RNF145: variants seen among roughly 807,000 people sequenced by gnomAD.
RNF145 encodes ring finger protein 145.
In RNF145, 12 loss-of-function variants were observed where a neutral mutation model predicts 57.3. The observed-to-expected ratio is 0.21, with a 90% CI of 0.13 to 0.34. The LOEUF (loss-of-function observed/expected upper bound fraction) is 0.34. RNF145 is among the 10% of genes least tolerant of loss of function. RNF145 has a pLI of 1.00. For missense variants in RNF145, 429 were observed against 799.0 expected, an observed-to-expected ratio of 0.54 and a Z score of 5.58; for synonymous variants, 262 against 288.3, an observed-to-expected ratio of 0.91 and a Z score of 0.92.
intron 4 of RNF145, among the ~76,000 whole-genome samples, chr5:159,180,678 T>C (rs1784861350): frequency 6.6e-6 from 1 of 152,144 alleles, no homozygotes; most frequent in Admixed American, 6.6e-5. Flanking sequence ...ATATTTTATA[T>C]AACCTAACAT....
In RNF145 at chr5:159,174,014, G is replaced by A. The variant is rs139327325; in HGVS notation, c.766C>T (p.Arg256Cys). Residue 256 changes from arginine to cysteine, a missense_variant, in exon 6 of 11, where the codon CGT (arginine) becomes TGT (cysteine). Arg to Cys is a radical substitution (Grantham distance 180). Coordinates refer to ENST00000424310, the MANE Select transcript of RNF145 (RefSeq NM_001199383.2). ...AGAAAAAGGAAAAGAAGCCTCTCAC[G>A]TGATGCAGGCTGATCTCGAGTACTG... ...YFSTRDQPASRERLLFLFLTS... is the reference protein window; with the variant it reads ...YFSTRDQPASCERLLFLFLTS... The A allele has an allele frequency of 6.2e-7, 1 of 1,612,042 alleles. No homozygotes were observed. The highest frequency in any genetic ancestry group is 8.5e-7 in the Non-Finnish European group (1 of 1,179,116).
chr5:159,174,086 T>C lies in RNF145; in HGVS notation c.694A>G (p.Met232Val), dbSNP rs1262393403. 1.2e-6 allele frequency: 2 copies of C among 1,613,554 alleles called. No individual in the cohort carries two copies. The change falls in exon 6 of 11, where the codon ATG (methionine) becomes GTG (valine). Residue 232 changes from methionine (M) to valine (V), a missense_variant. Met to Val is a conservative substitution (Grantham distance 21). Around this residue, in one of 4 missense-constraint regions of RNF145, gnomAD observed 216 missense variants for 457.6 expected, o/e 0.47. Transcript: ENST00000424310. Reference protein sequence around the residue: ...WNQLVVPVLFMVFWLVLFALQ... With the variant: ...WNQLVVPVLFVVFWLVLFALQ... ...GCAAATAAGACGAGCCAGAAAACCATGAAAAGAACAGGGACTACCAGTTGA... is the reference window on the plus strand; with the variant it reads ...GCAAATAAGACGAGCCAGAAAACCACGAAAAGAACAGGGACTACCAGTTGA...
At position 159,203,621 on chromosome 5, in the gene RNF145, GTT is replaced by G. The variant is rs76451527; in HGVS notation, c.-6_-5del. 18 of 1,270,086 alleles carry G rather than the reference GTT, an allele frequency of 1.4e-5. No individual in the cohort carries two copies. In the Admixed American group the frequency reaches 3.8e-4, roughly 26 times the overall value. The allele number at this position is 1,270,086 out of a possible 1,614,324, so 78.7% of individuals were successfully genotyped here. A position where few individuals can be genotyped will look rare whatever the true frequency, so the allele number is the denominator to read the frequency against. ...CCAGTTTCTCCTTTGCAGCCATGTT[GTT>G]TTTTTTTTTCTTTTTTTTTTTCTTG... On this transcript the variant is annotated 5_prime_UTR_variant, in exon 2 of 11. Transcript: ENST00000424310.
In RNF145 at chr5:159,158,392, T is replaced by A. The variant is rs1784108632; in HGVS notation, c.*278A>T. ...TCTCACACGTATCAGGGGCAGTTTCTGAAGTTGCTGAGGTTGAATTTTCTT... is the reference window on the plus strand; with the variant it reads ...TCTCACACGTATCAGGGGCAGTTTCAGAAGTTGCTGAGGTTGAATTTTCTT... On this transcript the variant is annotated 3_prime_UTR_variant, in exon 11 of 11. Coordinates refer to ENST00000424310, the MANE Select transcript of RNF145 (RefSeq NM_001199383.2). 2 of 383,436 alleles carry A rather than the reference T, an allele frequency of 5.2e-6. No homozygotes were observed. Among genetic ancestry groups the A allele is most frequent in the Non-Finnish European group, 9.6e-6 (2 of 209,222 alleles). The allele number at this position is 383,436 out of a possible 1,614,324, so 23.8% of individuals were successfully genotyped here.
Position 159,207,436 on chromosome 5 carries a change from C to A in RNF145, c.-40+1795G>T, listed in dbSNP as rs1212020550. ...AACTATTCAGTACAATACTTCTACA[C>A]CTTCCCCCTAAAAAAGAAAAACAAA... On this transcript the variant is annotated intron_variant, in intron 1 of 10. Transcript: ENST00000424310. 8 of 1,289,042 alleles carry A rather than the reference C, an allele frequency of 6.2e-6. No individual in the cohort carries two copies. The East Asian group carries it at 1.8e-4, about 28-fold the overall frequency. 79.9% of individuals were successfully genotyped at this position (1,289,042 alleles called of 1,614,324 possible).
chr5:159,187,553 G>T (rs1562065635), intron 3 of RNF145, among the ~76,000 whole-genome samples: 2 of 151,964 alleles, frequency 1.3e-5, no homozygotes, highest in African/African-American at 2.4e-5. Flanking sequence ...GGTCTCGAAT[G>T]CCTGACCTTG....
chr5:159,195,092 C>T (rs150887675), intron 2 of RNF145, among the ~76,000 whole-genome samples: 271 of 152,318 alleles, frequency 1.8e-3, no homozygotes, highest in African/African-American at 6.3e-3. Context: ...CTCCTTTCTT[C>T]ATCTACCTTT....
At chr5:159,169,602 C>A in intron 7 of RNF145, 77 bp downstream of exon 7, 1 of 1,242,338 alleles carries the variant, frequency 8.0e-7, no homozygotes, top group Non-Finnish European at 1.1e-6. Context: ...AATTCATCAG[C>A]CAAAGAAATT....
intron 8 of RNF145, among the ~76,000 whole-genome samples, chr5:159,165,059 A>T (rs1052396504): frequency 1.3e-5 from 2 of 152,140 alleles, no homozygotes; most frequent in African/African-American, 4.8e-5. Context: ...TGAATTCATC[A>T]CAATCCTTGA....
At chr5:159,188,658 T>G (rs1785174826) in intron 3 of RNF145, among the ~76,000 whole-genome samples, 1 of 152,202 alleles carries the variant, frequency 6.6e-6, no homozygotes, top group Admixed American at 6.5e-5. Flanking sequence ...ATTTACCAAA[T>G]TCTGTTAAGT....
At chr5:159,179,640 A>G (rs2113149128) in intron 4 of RNF145, among the ~76,000 whole-genome samples, 1 of 152,288 alleles carries the variant, frequency 6.6e-6, no homozygotes, top group African/African-American at 2.4e-5. Flanking sequence ...TTATAATACA[A>G]GTATATGCAT....
intron 9 of RNF145, 28 bp from the exon 10 acceptor site, chr5:159,161,650 CTTGAAATATGA>C: frequency 7.9e-7 from 1 of 1,261,402 alleles, no homozygotes; most frequent in Non-Finnish European, 1.1e-6. Flanking sequence ...ATGTACGTAT[CTTGAAATATGA>C]TCACTAAGAT....
At chr5:159,194,677 A>G (rs748210300) in intron 3 of RNF145, 39 bp downstream of exon 3, 2 of 1,255,580 alleles carry the variant, frequency 1.6e-6, no homozygotes. Flanking sequence ...AAAACTTTAA[A>G]TTCAATCATA....
At chr5:159,164,727 C>A (rs901715091) in intron 8 of RNF145, among the ~76,000 whole-genome samples, 4 of 152,110 alleles carry the variant, frequency 2.6e-5, no homozygotes, top group Non-Finnish European at 5.9e-5. Flanking sequence ...AAAATGTTTG[C>A]CTTTTGAAAA....
At position 159,209,515 on chromosome 5, in the gene RNF145, G is replaced by A. The variant is rs1164291785; in HGVS notation, c.-324C>T. Reference sequence around the variant, plus strand: ...AGCCGGCGCCGGCGTCGGCGGCCATGGCCTCCTGCGTTTGCTCCTCCCGCC... The same window carrying A: ...AGCCGGCGCCGGCGTCGGCGGCCATAGCCTCCTGCGTTTGCTCCTCCCGCC... On this transcript the variant is annotated 5_prime_UTR_variant, in exon 1 of 11. Transcript: ENST00000424310. 1.2e-4 allele frequency: 117 copies of A among 981,736 alleles called. No homozygotes were observed. The South Asian group carries it at 4.4e-3, about 37-fold the overall frequency. The allele number at this position is 981,736 out of a possible 1,614,324, so 60.8% of individuals were successfully genotyped here.
intron 2 of RNF145, among the ~76,000 whole-genome samples, chr5:159,197,517 ACT>A (rs1212623466): frequency 1.3e-5 from 2 of 152,326 alleles, no homozygotes; most frequent in East Asian, 3.9e-4. Context: ...TGGAAAAGTA[ACT>A]CTGTGATAAC....
chr5:159,207,439 T>TC, intron 1 of RNF145: 1 of 1,300,618 alleles, frequency 7.7e-7, no homozygotes, highest in African/African-American at 1.5e-5. Context: ...TTCTACACCT[T>TC]CCCCCTAAAA....
chr5:159,168,888 C>G lies in RNF145; in HGVS notation c.1106G>C (p.Gly369Ala). Residue 369 changes from glycine to alanine, a missense_variant, in exon 8 of 11, where the codon GGA (glycine) becomes GCA (alanine). By Grantham distance (60) the Gly-to-Ala change is moderately conservative. Coordinates refer to ENST00000424310, the MANE Select transcript of RNF145 (RefSeq NM_001199383.2). ...EIADPIVLALGASRDKSLWKH... is the reference protein window; with the variant it reads ...EIADPIVLALAASRDKSLWKH... ...GGTTTCTTACTTGTCTCTAGATGCTCCCAGTGCCAAAACAATAGGATCTGC... is the reference window on the plus strand; with the variant it reads ...GGTTTCTTACTTGTCTCTAGATGCTGCCAGTGCCAAAACAATAGGATCTGC... The G allele has an allele frequency of 1.3e-6, 2 of 1,561,762 alleles. No individual in the cohort carries two copies. Among genetic ancestry groups the G allele is most frequent in the Non-Finnish European group, 1.7e-6 (2 of 1,159,706 alleles).
In RNF145 at chr5:159,158,839, C is replaced by T; in HGVS notation, c.1823G>A (p.Gly608Asp). 1 of 1,613,902 alleles carries T rather than the reference C, an allele frequency of 6.2e-7. No homozygotes were observed. Among genetic ancestry groups the T allele is most frequent in the Non-Finnish European group, 8.5e-7 (1 of 1,179,846 alleles). Residue 608 changes from glycine (G) to aspartate (D), a missense_variant, in exon 11 of 11, where the codon GGT becomes GAT. Coordinates refer to ENST00000424310, the MANE Select transcript of RNF145 (RefSeq NM_001199383.2). ...GAEQNVMFQE[G>D]TEPPGQEHTP... ...ATGCTCCTGGCCTGGGGGTTCAGTA[C>T]CTTCCTGAAACATGACGTTTTGCTC...
Sources: gnomAD v4.1 joint callset for allele counts (sites outside exome capture counted in the v4.1 genomes callset) on GRCh38, gnomAD v4.1.1 for gene constraint, gnomAD v4.1.1 regional missense constraint, MANE v1.5 for transcripts, NCBI Gene and HGNC (gene_info 2026-07-23, HGNC 2026-07-21) for gene names.